PLEC: variants seen among roughly 807,000 people sequenced by gnomAD.
PLEC encodes plectin.
A neutral mutation model predicts 392.8 loss-of-function variants in PLEC; 216 were observed. The ratio of observed to expected loss-of-function variants is 0.55; its 90% CI spans 0.49 to 0.62. The LOEUF (loss-of-function observed/expected upper bound fraction) is 0.62, where lower values mean the gene tolerates loss of function less well. PLEC is among the 20% of genes least tolerant of loss of function. PLEC has a pLI of 0.00. For synonymous variants in PLEC, 3,621 were observed against 2,980.6 expected, an observed-to-expected ratio of 1.21 and a Z score of -7.00; for missense variants, 6,863 against 6,563.4, an observed-to-expected ratio of 1.05 and a Z score of -1.58.
Position 143,917,251 on chromosome 8 carries a change from G to A in PLEC, c.12570C>T (p.Val4190=). Residue 4190 remains valine (V), a synonymous_variant, in exon 32 of 32, where the codon GTC becomes GTT. Coordinates refer to ENST00000345136, the MANE Select transcript of PLEC (RefSeq NM_201384.3). ...AGCGGCGGTCGATGATCATGGACTT[G>A]ACCACGCCGTCCGAGGAGGAGATGG... ...EITISSSDGV[V]KSMIIDRRSG... 2 of 1,612,176 alleles carry A rather than the reference G, an allele frequency of 1.2e-6. No homozygotes were observed. Among genetic ancestry groups the A allele is most frequent in the Non-Finnish European group, 1.7e-6 (2 of 1,179,508 alleles).
upstream of PLEC, chr8:143,975,485 C>T (rs1050147101): frequency 1.0e-5 from 9 of 900,296 alleles, no homozygotes; most frequent in Admixed American, 4.0e-5. The surrounding 1 kb of genome is among the most constrained non-coding windows in gnomAD (Gnocchi z 9.9). Flanking sequence ...CCCACCCAGC[C>T]TCTCGCCTGG....
intron 19 of PLEC, among the ~76,000 whole-genome samples, chr8:143,930,937 C>G (rs1432107799): frequency 2.6e-5 from 4 of 152,206 alleles, no homozygotes; most frequent in African/African-American, 9.7e-5. Context: ...CGGCCCAGCC[C>G]TGCCGACCTC....
Position 143,921,674 on chromosome 8 carries a change from A to C in PLEC, c.8147T>G (p.Leu2716Arg). The change falls in exon 32 of 32, where the codon CTG (leucine) becomes CGG (arginine). Residue 2716 changes from leucine to arginine, a missense_variant. By Grantham distance (102) the Leu-to-Arg change is moderately radical (BLOSUM62 -2). Transcript: ENST00000345136. ...GCCGGGACTCAGCAGCTGCCTCTGC[A>C]GGGCGGCGTAAACACTCAGCTTCTC... ...TNEKLSVYAA[L>R]QRQLLSPGTA... The C allele has an allele frequency of 6.2e-7, 1 of 1,613,136 alleles. No individual in the cohort carries two copies. The highest frequency in any genetic ancestry group is 8.5e-7 in the Non-Finnish European group (1 of 1,179,922).
chr8:143,934,518 G>A, intron 10 of PLEC, 73 bp from the exon 11 acceptor site: 1 of 1,602,340 alleles, frequency 6.2e-7, no homozygotes, highest in Non-Finnish European at 8.5e-7. Flanking sequence ...TCAGACCCCA[G>A]CCCACCAGAC....
upstream of PLEC, chr8:143,958,797 G>A (rs576553072): frequency 1.4e-4 from 44 of 322,096 alleles, no homozygotes; most frequent in Admixed American, 9.1e-4. This position sits in a 1 kb window ranked among gnomAD's most constrained non-coding sequence, Gnocchi z 4.9. Flanking sequence ...CTCCAACACC[G>A]AGACACCTGT....
chr8:143,938,119 G>A (rs1554724975), intron 3 of PLEC, 32 bp downstream of exon 3: 2 of 1,531,400 alleles, frequency 1.3e-6, no homozygotes, highest in Non-Finnish European at 1.8e-6. Flanking sequence ...GGTGGGGCAG[G>A]CGGGGCCCGG....
At chr8:143,938,558 G>A (rs926373856) in intron 2 of PLEC, 73 bp downstream of exon 2, 10 of 1,562,328 alleles carry the variant, frequency 6.4e-6, no homozygotes, top group African/African-American at 2.7e-5. Flanking sequence ...AGCCTTGGGC[G>A]GCAGGGGCCA....
chr8:143,969,857 G>A lies in PLEC; in HGVS notation c.70+3546C>T, dbSNP rs529223991. ...GCAGGGGTGAGAATGAGGCCGGGGT[G>A]AGTACCGTTGGTGAGTGGGTGGCGT... is the stretch of plus-strand genomic sequence containing the variant. On this transcript the variant is annotated intron_variant, in intron 1 of 31. Transcript: ENST00000356346. The surrounding 1 kb of genome is among the most constrained non-coding windows in gnomAD (Gnocchi z 5.1). 2.4e-4 allele frequency among the ~76,000 whole-genome samples: 37 copies of A among 151,686 alleles called. No individual in the cohort carries two copies. Among genetic ancestry groups the A allele is most frequent in the Admixed American group, 6.6e-4 (10 of 15,234 alleles).
rs1554675092 is a variant in PLEC at position 143,918,386 on chromosome 8, G to A, written c.11435C>T (p.Pro3812Leu). 5 of 1,566,836 alleles carry A rather than the reference G, an allele frequency of 3.2e-6. No homozygotes were observed. The Admixed American group carries it at 5.5e-5, about 17-fold the overall frequency. ...CAGGGGAAGGTGGAAGCCCAGGCGG[G>A]GGTCCACGATGCCGCCGGTGGCCAG... ...AQLATGGIVD[P>L]RLGFHLPLEV... is the part of the protein sequence containing the mutation. Residue 3812 changes from proline (P) to leucine (L), a missense_variant, in exon 32 of 32, where the codon CCC becomes CTC. By Grantham distance (98) the Pro-to-Leu change is moderately conservative. Transcript: ENST00000345136.
chr8:143,944,642 A>G, intron 1 of PLEC: 1 of 1,345,210 alleles, frequency 7.4e-7, no homozygotes, highest in Non-Finnish European at 9.7e-7. Flanking sequence ...AGGGCTGCCC[A>G]CCTACCGGGC....
rs1554701748 is a variant in PLEC at position 143,925,279 on chromosome 8, C to T, written c.4650G>A (p.Arg1550=). 1.3e-6 allele frequency: 2 copies of T among 1,580,838 alleles called. No individual in the cohort carries two copies. The highest frequency in any genetic ancestry group is 2.7e-5 in the African/African-American group (2 of 74,368). Reference sequence around the variant, plus strand: ...GCTCCACCTCGGCCTGCCGCAGGCGCCGCTCCGCCTCCTCCGCCTGCAGCC... The same window carrying T: ...GCTCCACCTCGGCCTGCCGCAGGCGTCGCTCCGCCTCCTCCGCCTGCAGCC... ...ELRLQAEEAE[R]RLRQAEVERA... is the part of the protein sequence containing the mutation. Residue 1550 remains arginine (R), a synonymous_variant, in exon 31 of 32, where the codon CGG becomes CGA. Transcript: ENST00000345136.
rs1332455384 is a variant in PLEC, at chr8:143,925,406, T to C, written c.4523A>G (p.Gln1508Arg). 6.3e-7 allele frequency: 1 copy of C among 1,591,146 alleles called. No homozygotes were observed. Among genetic ancestry groups the C allele is most frequent in the Non-Finnish European group, 8.5e-7 (1 of 1,176,120 alleles). Residue 1508 changes from glutamine (Q) to arginine (R), a missense_variant, in exon 31 of 32, where the codon CAG (glutamine) becomes CGG (arginine). Physicochemically the swap from Gln to Arg is conservative, Grantham distance 43. Coordinates refer to ENST00000345136, the MANE Select transcript of PLEC (RefSeq NM_201384.3). ...CTCCACCTCCGCCTGCCGCTTACGC[T>C]GGCTCTCGTCCTGCACCTGCCTCCG... ...RLRRQVQDES[Q>R]RKRQAEVELA...
chr8:143,960,857 T>C (rs1832839286), intron 1 of PLEC, among the ~76,000 whole-genome samples: 1 of 152,228 alleles, frequency 6.6e-6, no homozygotes, highest in Admixed American at 6.5e-5. Flanking sequence ...GCAAATACCA[T>C]GTGATTCTTG....
In PLEC at chr8:143,924,668, T is replaced by G; in HGVS notation, c.5261A>C (p.Glu1754Ala). ...AAATQKRQELEAELAKVRAEM... is the reference protein window; with the variant it reads ...AAATQKRQELAAELAKVRAEM... Reference sequence around the variant, plus strand: ...GGCCCGCACCTTGGCCAGCTCGGCTTCCAGCTCCTGCCGTTTCTGCGTGGC... The same window carrying G: ...GGCCCGCACCTTGGCCAGCTCGGCTGCCAGCTCCTGCCGTTTCTGCGTGGC... Residue 1754 changes from glutamate (E) to alanine (A), a missense_variant, in exon 31 of 32, where the codon GAA becomes GCA. Physicochemically the swap from Glu to Ala is moderately radical, Grantham distance 107. Coordinates refer to ENST00000345136, the MANE Select transcript of PLEC (RefSeq NM_201384.3). 6.5e-7 allele frequency: 1 copy of G among 1,535,366 alleles called. No individual in the cohort carries two copies.
chr8:143,929,749 G>T lies in PLEC; in HGVS notation c.2820C>A (p.Ser940Arg). ...CGGGTCCGAAGCCGCCCGCGTCCTG[G>T]CTGTCCCGCAGGAAGGCCTGGTAGT... The part of the protein sequence containing the change: ...ELHYQAFLRD[S>R]QDAGGFGPED... Residue 940 changes from serine to arginine, a missense_variant, in exon 23 of 32, where the codon AGC becomes AGA. Ser to Arg is a moderately radical substitution (Grantham distance 110, BLOSUM62 -1). Transcript: ENST00000345136. 2 of 1,599,904 alleles carry T rather than the reference G, an allele frequency of 1.3e-6. No individual in the cohort carries two copies.
rs572124553 is a variant in PLEC, at chr8:143,927,455, C to A, written c.3711G>T (p.Pro1237=). Residue 1237 remains proline, a synonymous_variant, in exon 27 of 32, where the codon CCG becomes CCT. Transcript: ENST00000345136. ...CCCGCACAGCCTGGCTGTCGGCCAG[C>A]GGCATGGCCTGGATCTGCTCCTGCC... The part of the protein sequence containing the change: ...RRRQEQIQAM[P]LADSQAVREQ... 5.6e-6 allele frequency: 9 copies of A among 1,598,244 alleles called. No individual in the cohort carries two copies. The highest frequency in any genetic ancestry group is 3.3e-5 in the Admixed American group (2 of 59,776).
rs993949045 is a variant in PLEC at position 143,927,454 on chromosome 8, G to A, written c.3712C>T (p.Leu1238=). 16 of 1,598,634 alleles carry A rather than the reference G, an allele frequency of 1.0e-5. No individual in the cohort carries two copies. The highest frequency in any genetic ancestry group is 1.4e-5 in the Non-Finnish European group (16 of 1,178,510). The part of the protein sequence containing the change: ...RRQEQIQAMP[L]ADSQAVREQL... ...TCCCGCACAGCCTGGCTGTCGGCCA[G>A]CGGCATGGCCTGGATCTGCTCCTGC... Residue 1238 remains leucine (L), a synonymous_variant, in exon 27 of 32, where the codon CTG becomes TTG. Coordinates refer to ENST00000345136, the MANE Select transcript of PLEC (RefSeq NM_201384.3).
rs782222671 is a variant in PLEC at position 143,925,519 on chromosome 8, C to T, written c.4410G>A (p.Gly1470=). The T allele has an allele frequency of 5.3e-5, 85 of 1,595,690 alleles. No homozygotes were observed. Among genetic ancestry groups the T allele is most frequent in the Non-Finnish European group, 6.5e-5 (76 of 1,178,006 alleles). ...QLEATERQRG[G]AEGELQALRA... ...GCAGTGCCTGCAGCTCCCCCTCAGCCCCGCCACGCTGGCGCTCGGTGGCCT... is the reference window on the plus strand; with the variant it reads ...GCAGTGCCTGCAGCTCCCCCTCAGCTCCGCCACGCTGGCGCTCGGTGGCCT... Residue 1470 remains glycine, a synonymous_variant, in exon 31 of 32, where the codon GGG becomes GGA. Transcript: ENST00000345136.
In PLEC at chr8:143,932,166, C is replaced by A. The variant is rs1554716461; in HGVS notation, c.2046G>T (p.Leu682=). ...GCCGGGCCGGGTGGTCCTCCCGCAGCAGCCGGTCCCCAGCATTTTGGAGCT... is the reference window on the plus strand; with the variant it reads ...GCCGGGCCGGGTGGTCCTCCCGCAGAAGCCGGTCCCCAGCATTTTGGAGCT... The part of the protein sequence containing the change: ...IKELQNAGDR[L]LREDHPARPT... The change falls in exon 17 of 32, where the codon CTG becomes CTT. Residue 682 remains leucine, a synonymous_variant. Transcript: ENST00000345136. 7 of 1,612,192 alleles carry A rather than the reference C, an allele frequency of 4.3e-6. No individual in the cohort carries two copies. Among genetic ancestry groups the A allele is most frequent in the Middle Eastern group, 1.7e-4 (1 of 5,914 alleles).
Sources: gnomAD v4.1 joint callset for allele counts (sites outside exome capture counted in the v4.1 genomes callset) on GRCh38, gnomAD v4.1.1 for gene constraint, Gnocchi (gnomAD v3.1) non-coding constraint, MANE v1.5 for transcripts, NCBI Gene and HGNC (gene_info 2026-07-23, HGNC 2026-07-21) for gene names.